Variants in ANKRD6 observed in about 807,000 individuals in gnomAD.
The protein encoded by ANKRD6 is ankyrin repeat domain-containing protein 6.
Under a neutral mutation model 82.3 loss-of-function variants are expected in ANKRD6, and 56 were observed. The observed-to-expected ratio is 0.68, with a 90% CI of 0.55 to 0.85. The LOEUF is 0.85. Ranked by LOEUF, ANKRD6 falls within the 40% of genes least tolerant of loss-of-function variation. ANKRD6 has a pLI of 0.00. For missense variants in ANKRD6, 852 were observed against 907.6 expected, an observed-to-expected ratio of 0.94 and a Z score of 0.79; for synonymous variants, 347 against 352.1, an observed-to-expected ratio of 0.99 and a Z score of 0.16.
chr6:89,614,414 G>A (rs918492536), intron 7 of ANKRD6, among the ~76,000 whole-genome samples: 1 of 152,152 alleles, frequency 6.6e-6, no homozygotes, highest in Non-Finnish European at 1.5e-5. Flanking sequence ...GGAGACTAAG[G>A]TGGGTGGATC....
At chr6:89,595,856 C>A in intron 2 of ANKRD6, 60 bp from the exon 3 acceptor site, 1 of 1,395,406 alleles carries the variant, frequency 7.2e-7, no homozygotes, top group Non-Finnish European at 1.0e-6. Context: ...GGCCCTCTGT[C>A]TCCCAAGGGA....
At chr6:89,449,844 A>G (rs1387668637) in intron 1 of ANKRD6, among the ~76,000 whole-genome samples, 2 of 152,122 alleles carry the variant, frequency 1.3e-5, no homozygotes, top group Non-Finnish European at 1.5e-5. Flanking sequence ...ATTTGGAGAT[A>G]TTTTTTGGTT....
At chr6:89,621,052 G>T (rs1001089399) in intron 9 of ANKRD6, among the ~76,000 whole-genome samples, 2 of 152,106 alleles carry the variant, frequency 1.3e-5, no homozygotes, top group Non-Finnish European at 2.9e-5. Flanking sequence ...CTGGGGCACA[G>T]AGTGAGACTC....
chr6:89,514,339 C>T (rs1364065602), intron 1 of ANKRD6, among the ~76,000 whole-genome samples: 1 of 152,060 alleles, frequency 6.6e-6, no homozygotes, highest in Non-Finnish European at 1.5e-5. Context: ...GATTGTGCCA[C>T]TGCACTCCAG....
chr6:89,567,376 G>A (rs189512106), intron 2 of ANKRD6, among the ~76,000 whole-genome samples: 424 of 152,266 alleles, frequency 2.8e-3, no homozygotes, highest in African/African-American at 9.6e-3. Context: ...GAGAAGTTGG[G>A]ACACAAAAGC....
intron 1 of ANKRD6, among the ~76,000 whole-genome samples, chr6:89,500,350 A>T (rs939091794): frequency 6.6e-6 from 1 of 152,194 alleles, no homozygotes; most frequent in Non-Finnish European, 1.5e-5. Flanking sequence ...TATTGAAGAT[A>T]GAAATACTAC....
chr6:89,488,240 C>T (rs550713621), intron 1 of ANKRD6, among the ~76,000 whole-genome samples: 1 of 152,312 alleles, frequency 6.6e-6, no homozygotes, highest in South Asian at 2.1e-4. Context: ...AGCAGTCCAC[C>T]CACCTGCATT....
chr6:89,531,092 A>G (rs2127990025), intron 1 of ANKRD6, among the ~76,000 whole-genome samples: 1 of 152,308 alleles, frequency 6.6e-6, no homozygotes, highest in Non-Finnish European at 1.5e-5. Flanking sequence ...GTGGCTGCAC[A>G]CCTCAGAGAG....
In ANKRD6 at chr6:89,459,100, C is replaced by T. The variant is rs191438700; in HGVS notation, c.-144+25725C>T. On this transcript the variant is annotated intron_variant, in intron 1 of 15. Transcript: ENST00000339746. ...TATGTCTTTTTTTTTAAAATTGAGA[C>T]GGAGTTTCACTCTTGTTGCCCAGGC... is the stretch of plus-strand genomic sequence containing the variant. Among the ~76,000 whole-genome samples the T allele has an allele frequency of 2.3e-3, 352 of 152,060 alleles. 1 individual carries two copies. Among genetic ancestry groups the T allele is most frequent in the African/African-American group, 8.1e-3 (335 of 41,484 alleles).
chr6:89,436,944 C>G (rs1008541558), intron 1 of ANKRD6, among the ~76,000 whole-genome samples: 1 of 152,150 alleles, frequency 6.6e-6, no homozygotes, highest in Non-Finnish European at 1.5e-5. Context: ...GCATTATTTA[C>G]TGGTGGGTTC....
chr6:89,548,789 G>C (rs540406275), intron 1 of ANKRD6, among the ~76,000 whole-genome samples: 2 of 152,314 alleles, frequency 1.3e-5, no homozygotes, highest in African/African-American at 4.8e-5. Context: ...GCAAATGAGG[G>C]TTACGCAGCG....
At chr6:89,513,109 T>G (rs1238523486) in intron 1 of ANKRD6, among the ~76,000 whole-genome samples, 2 of 152,024 alleles carry the variant, frequency 1.3e-5, no homozygotes, top group Non-Finnish European at 2.9e-5. Flanking sequence ...AAAGTATTTT[T>G]AGAGACAGAG....
At chr6:89,533,090 T>C (rs960175230) in intron 1 of ANKRD6, among the ~76,000 whole-genome samples, 16 of 152,232 alleles carry the variant, frequency 1.1e-4, no homozygotes, top group African/African-American at 3.9e-4. Flanking sequence ...TTGGTCAGGC[T>C]GTTCTTGAAC....
intron 1 of ANKRD6, among the ~76,000 whole-genome samples, chr6:89,563,710 A>C (rs976845133): frequency 1.4e-4 from 22 of 152,012 alleles, no homozygotes; most frequent in Non-Finnish European, 2.8e-4. Flanking sequence ...ATCCCTTCTT[A>C]AACTGCCCCC....
intron 1 of ANKRD6, among the ~76,000 whole-genome samples, chr6:89,460,061 C>A (rs949819230): frequency 1.7e-4 from 25 of 150,892 alleles, no homozygotes; most frequent in African/African-American, 5.8e-4. Flanking sequence ...TTGTGGCAGT[C>A]TTTTAGAAAT....
intron 1 of ANKRD6, among the ~76,000 whole-genome samples, chr6:89,472,712 T>C (rs1378726955): frequency 1.3e-5 from 2 of 152,166 alleles, no homozygotes; most frequent in African/African-American, 4.8e-5. Context: ...CCACTCAGTC[T>C]CACTGGCCCA....
intron 1 of ANKRD6, among the ~76,000 whole-genome samples, chr6:89,536,441 A>T (rs867289312): frequency 3.3e-5 from 5 of 152,218 alleles, no homozygotes; most frequent in African/African-American, 1.2e-4. Context: ...ACTATTGAGA[A>T]GAAAGTGTGT....
At position 89,439,460 on chromosome 6, in the gene ANKRD6, T is replaced by A. The variant is rs191208559; in HGVS notation, c.-144+6085T>A. ...TAAAATTTGTATCTGTTTTTCTTAT[T>A]TGTTTGAAGTAAATTTGTGCCCAAG... On this transcript the variant is annotated intron_variant, in intron 1 of 15. Transcript: ENST00000339746. Among the ~76,000 whole-genome samples, 38 of 152,292 alleles carry A rather than the reference T, an allele frequency of 2.5e-4. No individual in the cohort carries two copies. The East Asian group carries it at 6.6e-3, about 26-fold the overall frequency.
chr6:89,468,458 A>G (rs1387804708), intron 1 of ANKRD6, among the ~76,000 whole-genome samples: 1 of 152,146 alleles, frequency 6.6e-6, no homozygotes, highest in Non-Finnish European at 1.5e-5. Context: ...GTTGAGAATT[A>G]CATTTTTTGT....
Sources: allele counts gnomAD v4.1 joint callset (sites outside exome capture counted in the v4.1 genomes callset), GRCh38; gene constraint gnomAD v4.1.1; transcripts MANE v1.5; gene names NCBI Gene and HGNC (gene_info 2026-07-23, HGNC 2026-07-21).